The following LRP4 variants were observed in gnomAD, a reference collection of about 807,000 sequenced individuals.
LRP4 encodes low-density lipoprotein receptor-related protein 4.
Under a neutral mutation model 220.3 loss-of-function variants are expected in LRP4, and 95 were observed. The ratio of observed to expected loss-of-function variants is 0.43; its 90% CI spans 0.37 to 0.51. LRP4 has a LOEUF of 0.51. Ranked by LOEUF, LRP4 falls within the 20% of genes least tolerant of loss-of-function variation. The probability of loss-of-function intolerance (pLI) is 0.00; values close to 1 mark genes in which losing one functional copy is unlikely to be tolerated. For missense variants in LRP4, 1,925 were observed against 2,567.0 expected, an observed-to-expected ratio of 0.75 and a Z score of 5.40; for synonymous variants, 903 against 954.6, an observed-to-expected ratio of 0.95 and a Z score of 1.00.
intron 23 of LRP4, 52 bp downstream of exon 23, chr11:46,877,147 T>C (rs1353418460): frequency 3.1e-6 from 5 of 1,602,598 alleles, no homozygotes; most frequent in Admixed American, 1.7e-5. Context: ...AAGACAGTAA[T>C]TGTTGAAGGG....
Position 46,875,761 on chromosome 11 carries a change from A to G in LRP4, c.3699+43T>C. On this transcript the variant is annotated intron_variant, in intron 26 of 37. Coordinates refer to ENST00000378623, the MANE Select transcript of LRP4 (RefSeq NM_002334.4). This position sits in a 1 kb window ranked among gnomAD's most constrained non-coding sequence, Gnocchi z 4.5. ...TGGAGATCCTAGGCAGGCCTTTCCC[A>G]TCTTCCCAGGCTCCTGGGAAGCAGC... The G allele has an allele frequency of 5.0e-6, 8 of 1,613,790 alleles. No homozygotes were observed. Among genetic ancestry groups the G allele is most frequent in the Non-Finnish European group, 6.8e-6 (8 of 1,179,868 alleles).
rs566821708 is a variant in LRP4, at chr11:46,883,964, A to G, written c.2519T>C (p.Ile840Thr). 1.9e-6 allele frequency: 3 copies of G among 1,613,684 alleles called. No homozygotes were observed. Among genetic ancestry groups the G allele is most frequent in the Non-Finnish European group, 2.5e-6 (3 of 1,179,596 alleles). Residue 840 changes from isoleucine to threonine, a missense_variant, in exon 19 of 38, where the codon ATT becomes ACT. Ile to Thr is a moderately conservative substitution (Grantham distance 89). Around this residue, in one of 3 missense-constraint regions of LRP4, gnomAD observed 1,244 missense variants for 1,624.9 expected, o/e 0.77. Coordinates refer to ENST00000378623, the MANE Select transcript of LRP4 (RefSeq NM_002334.4). ...GCTGCCATCTGTGTTGGCTACTTCA[A>G]TCCGGTCTGTACCTATCAAGAAGGG... The part of the protein sequence containing the change: ...LYWTDAGTDR[I>T]EVANTDGSMR...
chr11:46,885,272 T>C (rs888804677), intron 18 of LRP4, among the ~76,000 whole-genome samples: 3 of 152,174 alleles, frequency 2.0e-5, no homozygotes, highest in African/African-American at 7.2e-5. Flanking sequence ...GCTAGGATTA[T>C]AGGTGTGAGC....
chr11:46,895,161 C>G lies in LRP4; in HGVS notation c.1309+5G>C, dbSNP rs755836668. The G allele has an allele frequency of 3.7e-6, 6 of 1,613,880 alleles. No homozygotes were observed. The highest frequency in any genetic ancestry group is 4.5e-5 in the East Asian group (2 of 44,888). ...CCCACCCAGCCAAGTGCCAACAGCC[C>G]TTACCCAGAGCCTTGCAGCTGCGCC... On this transcript the variant is annotated splice_donor_5th_base_variant and intron_variant, in intron 11 of 37. Coordinates refer to ENST00000378623, the MANE Select transcript of LRP4 (RefSeq NM_002334.4).
chr11:46,876,372 T>G, intron 25 of LRP4, 94 bp downstream of exon 25: 1 of 1,474,868 alleles, frequency 6.8e-7, no homozygotes, highest in Non-Finnish European at 9.5e-7. Flanking sequence ...GTTTCTGTGA[T>G]GCAAGCTTCC....
chr11:46,895,535 C>G (rs374109542), intron 10 of LRP4, among the ~76,000 whole-genome samples: 3 of 152,014 alleles, frequency 2.0e-5, no homozygotes, highest in African/African-American at 7.3e-5. Flanking sequence ...GAGCCGAGAT[C>G]GCACCACTGC....
Position 46,875,342 on chromosome 11 carries a change from G to T in LRP4, c.3925+114C>A. On this transcript the variant is annotated intron_variant, in intron 27 of 37. Coordinates refer to ENST00000378623, the MANE Select transcript of LRP4 (RefSeq NM_002334.4). This position sits in a 1 kb window ranked among gnomAD's most constrained non-coding sequence, Gnocchi z 4.5. Reference sequence around the variant, plus strand: ...CCAATCTGGAAGGGAGCTTAAACAGGTCACCGTCTTTCTGGCTGTAAAGGA... The same window carrying T: ...CCAATCTGGAAGGGAGCTTAAACAGTTCACCGTCTTTCTGGCTGTAAAGGA... The T allele has an allele frequency of 9.7e-7, 1 of 1,030,966 alleles. No homozygotes were observed. The highest frequency in any genetic ancestry group is 1.5e-6 in the Non-Finnish European group (1 of 681,656). The allele number at this position is 1,030,966 out of a possible 1,614,324, so 63.9% of individuals were successfully genotyped here. A position where few individuals can be genotyped will look rare whatever the true frequency, so the allele number is the denominator to read the frequency against.
chr11:46,880,545 G>T (rs2134811922), intron 20 of LRP4, among the ~76,000 whole-genome samples: 2 of 152,246 alleles, frequency 1.3e-5, no homozygotes, highest in Middle Eastern at 6.8e-3. Context: ...GATCCCTTGG[G>T]CCAGGAGGTC....
chr11:46,916,090 C>T (rs1941942516), intron 1 of LRP4, among the ~76,000 whole-genome samples: 1 of 152,118 alleles, frequency 6.6e-6, no homozygotes, highest in East Asian at 1.9e-4. Flanking sequence ...CCCTTACAAA[C>T]ATGTGCACAG....
At chr11:46,906,915 G>T (rs540158730) in intron 1 of LRP4, among the ~76,000 whole-genome samples, 1 of 152,162 alleles carries the variant, frequency 6.6e-6, no homozygotes, top group Non-Finnish European at 1.5e-5. Context: ...GGCAGCCACC[G>T]GTCAGGCAAA....
intron 1 of LRP4, among the ~76,000 whole-genome samples, chr11:46,904,043 G>C (rs1262648455): frequency 1.3e-5 from 2 of 152,178 alleles, no homozygotes; most frequent in African/African-American, 4.8e-5. Context: ...GCCTCAGCTG[G>C]AACAAAGGGT....
Position 46,873,291 on chromosome 11 carries a change from G to A in LRP4, c.4449-57C>T, listed in dbSNP as rs1163415287. The stretch of plus-strand genomic sequence containing the variant: ...CATGGGAAGACAGCACCCAGAGGTT[G>A]AGAGAACACAGAGGACCCACTAACA... On this transcript the variant is annotated intron_variant, in intron 29 of 37. Transcript: ENST00000378623. The surrounding 1 kb of genome is among the most constrained non-coding windows in gnomAD (Gnocchi z 4.2). The A allele has an allele frequency of 6.2e-7, 1 of 1,613,286 alleles. No individual in the cohort carries two copies. Among genetic ancestry groups the A allele is most frequent in the African/African-American group, 1.3e-5 (1 of 74,926 alleles).
chr11:46,869,164 ATAT>A, intron 31 of LRP4, 32 bp from the exon 32 acceptor site: 1 of 1,607,752 alleles, frequency 6.2e-7, no homozygotes, highest in African/African-American at 1.3e-5. Context: ...AAAACAGTAA[ATAT>A]TATTCAGCAA....
chr11:46,898,883 C>T lies in LRP4; in HGVS notation c.676+21G>A, dbSNP rs372218280. 5.0e-5 allele frequency: 81 copies of T among 1,613,760 alleles called. No individual in the cohort carries two copies. In the South Asian group the frequency reaches 8.2e-4, roughly 16 times the overall value. ...CTTCCCAGCCTGGCCTCCCCACCTC[C>T]CAGCTGGCCAGAGTACTCACAGCAG... On this transcript the variant is annotated intron_variant, in intron 6 of 37. Coordinates refer to ENST00000378623, the MANE Select transcript of LRP4 (RefSeq NM_002334.4).
At position 46,875,453 on chromosome 11, in the gene LRP4, C is replaced by T. The variant is rs1217353454; in HGVS notation, c.3925+3G>A. 2 of 1,613,652 alleles carry T rather than the reference C, an allele frequency of 1.2e-6. No individual in the cohort carries two copies. The highest frequency in any genetic ancestry group is 1.1e-5 in the South Asian group (1 of 91,036). The stretch of plus-strand genomic sequence containing the variant: ...CTCACAGCCCCAGCCCTCTGACTCT[C>T]ACCTAGTGGCTGTGCCCGGTCCACA... On this transcript the variant is annotated splice_donor_region_variant and intron_variant, in intron 27 of 37. Transcript: ENST00000378623. This position sits in a 1 kb window ranked among gnomAD's most constrained non-coding sequence, Gnocchi z 4.5.
At chr11:46,894,519 G>A in intron 12 of LRP4, 70 bp downstream of exon 12, 3 of 1,222,932 alleles carry the variant, frequency 2.5e-6, no homozygotes, top group Middle Eastern at 2.0e-4. Context: ...CAAACCACTG[G>A]CCTATTCCTC....
chr11:46,873,506 G>A lies in LRP4; in HGVS notation c.4317C>T (p.Ala1439=), dbSNP rs376909913. ...TTDGLAVDWV[A]RNLYWTDTGR... ...CTGTGTCTGTCCAGTACAGGTTCCT[G>A]GCCACCCAGTCCACTGCCAGCCCGT... The change falls in exon 29 of 38, where the codon GCC becomes GCT. Residue 1439 remains alanine, a synonymous_variant. Transcript: ENST00000378623. This position sits in a 1 kb window ranked among gnomAD's most constrained non-coding sequence, Gnocchi z 4.2. 24 of 1,614,034 alleles carry A rather than the reference G, an allele frequency of 1.5e-5. No homozygotes were observed. In the African/African-American group the frequency reaches 2.1e-4, roughly 14 times the overall value.
At chr11:46,904,696 C>T (rs904626846) in intron 1 of LRP4, among the ~76,000 whole-genome samples, 8 of 152,046 alleles carry the variant, frequency 5.3e-5, no homozygotes, top group African/African-American at 1.7e-4. Flanking sequence ...GGGCTGGGCA[C>T]GGTGGCTCAT....
At chr11:46,893,196 G>T in intron 12 of LRP4, 67 bp from the exon 13 acceptor site, 1 of 1,587,518 alleles carries the variant, frequency 6.3e-7, no homozygotes, top group South Asian at 1.1e-5. Flanking sequence ...ATAGTAATAG[G>T]AGCAAACTCT....
Sources: allele counts gnomAD v4.1 joint callset (sites outside exome capture counted in the v4.1 genomes callset), GRCh38; gene constraint gnomAD v4.1.1; regional missense constraint gnomAD v4.1.1; non-coding constraint Gnocchi (gnomAD v3.1); transcripts MANE v1.5; gene names NCBI Gene and HGNC (gene_info 2026-07-23, HGNC 2026-07-21).